TJP3: variants seen among roughly 807,000 people sequenced by gnomAD.
TJP3 encodes tight junction protein 3, also known as tight junction protein ZO-3.
In TJP3, 85 loss-of-function variants were observed where a neutral mutation model predicts 104.2. That is an observed-to-expected ratio of 0.82 (90% CI 0.68 to 0.98). The LOEUF (loss-of-function observed/expected upper bound fraction) is 0.98, where lower values mean the gene tolerates loss of function less well. Among genes scored for constraint, TJP3 ranks in the 50% least tolerant of loss-of-function variants. TJP3 has a pLI of 0.00. For missense variants in TJP3, 1,367 were observed against 1,322.8 expected, an observed-to-expected ratio of 1.03 and a Z score of -0.52; for synonymous variants, 550 against 550.6, an observed-to-expected ratio of 1.00 and a Z score of 0.02.
intron 19 of TJP3, among the ~76,000 whole-genome samples, 186 bp downstream of exon 19, chr19:3,748,267 A>ATTTTTTTTTTTTTTTTTTTTTTTTTTTTT (rs1274711670): frequency 8.4e-6 from 1 of 119,748 alleles, no homozygotes; most frequent in African/African-American, 3.3e-5. Flanking sequence ...AACTTGCAGC[A>ATTTTTTTTTTTTTTTTTTTTTTTTTTTTT]TTTTTTTTTT....
At position 3,746,568 on chromosome 19, in the gene TJP3, C is replaced by A; in HGVS notation, c.2094C>A (p.Phe698Leu). 1 of 1,614,058 alleles carries A rather than the reference C, an allele frequency of 6.2e-7. No homozygotes were observed. The highest frequency in any genetic ancestry group is 1.7e-5 in the Admixed American group (1 of 60,022). Reference sequence around the variant, plus strand: ...AGTACTACCCCATTGTGGTCTTCTTCATCCCCGAGAGCCGGCCGGCCCTCA... The same window carrying A: ...AGTACTACCCCATTGTGGTCTTCTTAATCCCCGAGAGCCGGCCGGCCCTCA... ...YVQYYPIVVF[F>L]IPESRPALKA... The change falls in exon 17 of 21, where the codon TTC becomes TTA. Residue 698 changes from phenylalanine to leucine, a missense_variant. Physicochemically the swap from Phe to Leu is conservative, Grantham distance 22 (BLOSUM62 0). Coordinates refer to ENST00000541714, the MANE Select transcript of TJP3 (RefSeq NM_001267560.2). This position sits in a 1 kb window ranked among gnomAD's most constrained non-coding sequence, Gnocchi z 4.1.
intron 1 of TJP3, among the ~76,000 whole-genome samples, chr19:3,719,223 GA>G (rs1468632120): frequency 6.8e-6 from 1 of 148,120 alleles, no homozygotes; most frequent in Non-Finnish European, 1.5e-5. Flanking sequence ...CATCTAAAAT[GA>G]TTTTTTGCGC....
At position 3,734,449 on chromosome 19, in the gene TJP3, A is replaced by C; in HGVS notation, c.986+14A>C. On this transcript the variant is annotated intron_variant, in intron 8 of 20. Coordinates refer to ENST00000541714, the MANE Select transcript of TJP3 (RefSeq NM_001267560.2). ...CGACTCTCCCGTGTAAGTATCACCC[A>C]TCGGCCAGAATGGTGATAGGGAGGG... 2 of 1,587,448 alleles carry C rather than the reference A, an allele frequency of 1.3e-6. No homozygotes were observed. The highest frequency in any genetic ancestry group is 1.7e-6 in the Non-Finnish European group (2 of 1,167,444).
intron 1 of TJP3, chr19:3,722,001 C>T (rs915717955): frequency 1.5e-6 from 1 of 688,548 alleles, no homozygotes; most frequent in Non-Finnish European, 2.0e-6. Context: ...CCCAGGACCC[C>T]AGAACGCCTA....
At chr19:3,710,167 A>G (rs964858417) in intron 1 of TJP3, among the ~76,000 whole-genome samples, 119 of 122,376 alleles carry the variant, frequency 9.7e-4, no homozygotes, top group Middle Eastern at 4.9e-3. Context: ...AAAAAAAAAA[A>G]GGGGTGGGGG....
In TJP3 at chr19:3,730,801, C is replaced by A; in HGVS notation, c.613+95C>A. ...TTTCAAGTGATTCTCCTGCCTCAGC[C>A]TCCCTGGTGGCTGGGACTCCAGGCG... On this transcript the variant is annotated intron_variant, in intron 5 of 20. Coordinates refer to ENST00000541714, the MANE Select transcript of TJP3 (RefSeq NM_001267560.2). The surrounding 1 kb of genome is among the most constrained non-coding windows in gnomAD (Gnocchi z 7.3). 7.3e-7 allele frequency: 1 copy of A among 1,365,120 alleles called. No individual in the cohort carries two copies. The highest frequency in any genetic ancestry group is 9.8e-7 in the Non-Finnish European group (1 of 1,024,094). The allele number at this position is 1,365,120 out of a possible 1,614,324, so 84.6% of individuals were successfully genotyped here.
chr19:3,747,194 G>A (rs1317381446), intron 18 of TJP3, among the ~76,000 whole-genome samples: 1 of 151,986 alleles, frequency 6.6e-6, no homozygotes, highest in Non-Finnish European at 1.5e-5. Context: ...CCGAGTAGCT[G>A]GGACTACAGG....
intron 1 of TJP3, among the ~76,000 whole-genome samples, chr19:3,717,177 C>G (rs1188848756): frequency 6.8e-6 from 1 of 146,140 alleles, no homozygotes; most frequent in Non-Finnish European, 1.5e-5. Context: ...GTTGGTCAGG[C>G]TGGTCTCGAA....
chr19:3,750,092 A>G (rs201971783), intron 19 of TJP3, 46 bp from the exon 20 acceptor site: 584 of 1,613,346 alleles, frequency 3.6e-4, no homozygotes, highest in Non-Finnish European at 4.5e-4. Context: ...TCGACTCACC[A>G]TGCTCTGGGG....
rs2145711565 is a variant in TJP3 at position 3,750,198 on chromosome 19, A to C, written c.2657+14A>C. Reference sequence around the variant, plus strand: ...GGACAGCATGCGGTAAGAACCCCATATTCCAGATTGGGGCCCTCAACCCTT... The same window carrying C: ...GGACAGCATGCGGTAAGAACCCCATCTTCCAGATTGGGGCCCTCAACCCTT... On this transcript the variant is annotated intron_variant, in intron 20 of 20. Transcript: ENST00000541714. The C allele has an allele frequency of 6.4e-7, 1 of 1,571,092 alleles. No homozygotes were observed. The highest frequency in any genetic ancestry group is 1.9e-5 in the Admixed American group (1 of 53,634).
intron 1 of TJP3, among the ~76,000 whole-genome samples, chr19:3,717,962 T>C (rs202020215): frequency 1.4e-5 from 2 of 144,840 alleles, no homozygotes; most frequent in East Asian, 2.1e-4. Context: ...ACGCCTATAA[T>C]CCCAGCACTT....
At chr19:3,744,807 A>T (rs1464904802) in intron 15 of TJP3, among the ~76,000 whole-genome samples, 2 of 152,056 alleles carry the variant, frequency 1.3e-5, no homozygotes, top group Non-Finnish European at 2.9e-5. Context: ...GCATGCCTGT[A>T]ATCCCAGCTA....
Position 3,746,928 on chromosome 19 carries a change from C to T in TJP3, c.2322+52C>T. ...GCAGGGAGGCCCCACAGACGCTGTGCAGGCCCAGCTGGGGTTTGGGGCCTC... is the reference window on the plus strand; with the variant it reads ...GCAGGGAGGCCCCACAGACGCTGTGTAGGCCCAGCTGGGGTTTGGGGCCTC... On this transcript the variant is annotated intron_variant, in intron 18 of 20. Transcript: ENST00000541714. This position sits in a 1 kb window ranked among gnomAD's most constrained non-coding sequence, Gnocchi z 4.1. 2.6e-6 allele frequency: 4 copies of T among 1,524,010 alleles called. No homozygotes were observed. The highest frequency in any genetic ancestry group is 3.6e-6 in the Non-Finnish European group (4 of 1,122,354). The allele number at this position is 1,524,010 out of a possible 1,614,324, so 94.4% of individuals were successfully genotyped here.
At chr19:3,713,178 C>G (rs1005170) in intron 1 of TJP3, among the ~76,000 whole-genome samples, 111,018 of 151,808 alleles carry the variant, frequency 0.73, 41,044 homozygotes, top group East Asian at 1. Flanking sequence ...CACCTAGAAT[C>G]TGCCCTTCCT....
chr19:3,724,791 G>A (rs115103157), intron 1 of TJP3, among the ~76,000 whole-genome samples: 7,689 of 151,830 alleles, frequency 0.051, 251 homozygotes, highest in East Asian at 0.095. Flanking sequence ...CTCTTGCCTC[G>A]GTCTCCCAAA....
Position 3,730,156 on chromosome 19 carries a change from C to G in TJP3, c.261+26C>G. ...GTGAGTAGGCAGCCCCTGGCATGGCCAGCATCTCTGACCCCAGCCTGGGTC... is the reference window on the plus strand; with the variant it reads ...GTGAGTAGGCAGCCCCTGGCATGGCGAGCATCTCTGACCCCAGCCTGGGTC... On this transcript the variant is annotated intron_variant, in intron 4 of 20. Transcript: ENST00000541714. This position sits in a 1 kb window ranked among gnomAD's most constrained non-coding sequence, Gnocchi z 7.3. 2.5e-6 allele frequency: 4 copies of G among 1,608,096 alleles called. No homozygotes were observed. Among genetic ancestry groups the G allele is most frequent in the Non-Finnish European group, 3.4e-6 (4 of 1,174,650 alleles).
At position 3,748,088 on chromosome 19, in the gene TJP3, C is replaced by G. The variant is rs749576022; in HGVS notation, c.2610+7C>G. 1 of 1,548,256 alleles carries G rather than the reference C, an allele frequency of 6.5e-7. No individual in the cohort carries two copies. Among genetic ancestry groups the G allele is most frequent in the Non-Finnish European group, 8.7e-7 (1 of 1,145,038 alleles). On this transcript the variant is annotated splice_region_variant and intron_variant, in intron 19 of 20. Coordinates refer to ENST00000541714, the MANE Select transcript of TJP3 (RefSeq NM_001267560.2). ...GGCTCATCAGGGGGCCCAGGTGCGT[C>G]GGACATGGGGGGCAGGCCTGGGAAG...
At chr19:3,714,502 C>T (rs573148877) in intron 1 of TJP3, among the ~76,000 whole-genome samples, 3 of 151,796 alleles carry the variant, frequency 2.0e-5, no homozygotes, top group Admixed American at 6.6e-5. Context: ...TTATTGAGCA[C>T]GTACTGCATA....
chr19:3,746,008 C>G lies in TJP3; in HGVS notation c.1940-3C>G. On this transcript the variant is annotated splice_polypyrimidine_tract_variant and splice_region_variant and intron_variant, in intron 15 of 20. Coordinates refer to ENST00000541714, the MANE Select transcript of TJP3 (RefSeq NM_001267560.2). This position sits in a 1 kb window ranked among gnomAD's most constrained non-coding sequence, Gnocchi z 4.1. ...AGCTGCTGGTCCTCTCTGCCGTCCA[C>G]AGAGACTGTGTCCAGGACCGACAGC... is the stretch of plus-strand genomic sequence containing the variant. The G allele has an allele frequency of 6.2e-7, 1 of 1,602,466 alleles. No homozygotes were observed. The highest frequency in any genetic ancestry group is 8.5e-7 in the Non-Finnish European group (1 of 1,174,050).
Sources: allele counts gnomAD v4.1 joint callset (sites outside exome capture counted in the v4.1 genomes callset), GRCh38; gene constraint gnomAD v4.1.1; non-coding constraint Gnocchi (gnomAD v3.1); transcripts MANE v1.5; gene names NCBI Gene and HGNC (gene_info 2026-07-23, HGNC 2026-07-21).